The following MAPKAPK2 variants were observed in gnomAD, a reference collection of about 807,000 sequenced individuals.
MAPKAPK2 encodes MAPK activated protein kinase 2.
Under a neutral mutation model 48.8 loss-of-function variants are expected in MAPKAPK2, and 9 were observed. That is an observed-to-expected ratio of 0.18 (90% CI 0.11 to 0.32). The LOEUF (loss-of-function observed/expected upper bound fraction) is 0.32. Among genes scored for constraint, MAPKAPK2 ranks in the 10% least tolerant of loss-of-function variants. MAPKAPK2 has a pLI of 1.00. For missense variants in MAPKAPK2, 331 were observed against 498.3 expected (o/e 0.66, Z 3.20); for synonymous variants, 202 against 190.6 (o/e 1.06, Z -0.49).
intron 1 of MAPKAPK2, among the ~76,000 whole-genome samples, chr1:206,705,939 G>A (rs537050824): frequency 8.5e-5 from 13 of 152,158 alleles, no homozygotes; most frequent in East Asian, 7.7e-4. Context: ...GGGAATTCCC[G>A]GAGCCTGTTG....
chr1:206,709,630 T>A (rs1673076529), intron 1 of MAPKAPK2, among the ~76,000 whole-genome samples: 1 of 152,236 alleles, frequency 6.6e-6, no homozygotes, highest in South Asian at 2.1e-4. Flanking sequence ...CTAATGGCAT[T>A]TATTATGAAC....
At chr1:206,694,591 G>A (rs1157131398) in intron 1 of MAPKAPK2, among the ~76,000 whole-genome samples, 2 of 152,252 alleles carry the variant, frequency 1.3e-5, no homozygotes, top group East Asian at 1.9e-4. Flanking sequence ...CAGGCTTCAC[G>A]GGAGCTGGAG....
At position 206,731,219 on chromosome 1, in the gene MAPKAPK2, G is replaced by A. The variant is rs781968571; in HGVS notation, c.849G>A (p.Gln283=). The change falls in exon 7 of 10, where the codon CAG becomes CAA. Residue 283 remains glutamine, a synonymous_variant. Coordinates refer to ENST00000367103, the MANE Select transcript of MAPKAPK2 (RefSeq NM_032960.4). This position sits in a 1 kb window ranked among gnomAD's most constrained non-coding sequence, Gnocchi z 5.9. ...TGAAGACTCGCATCCGAATGGGCCAGTATGAATTTCCCAACCCAGAATGGT... is the reference window on the plus strand; with the variant it reads ...TGAAGACTCGCATCCGAATGGGCCAATATGAATTTCCCAACCCAGAATGGT... ...PGMKTRIRMG[Q]YEFPNPEWSE... 1.2e-6 allele frequency: 2 copies of A among 1,614,224 alleles called. No homozygotes were observed. Among genetic ancestry groups the A allele is most frequent in the South Asian group, 1.1e-5 (1 of 91,090 alleles).
At position 206,726,440 on chromosome 1, in the gene MAPKAPK2, G is replaced by A. The variant is rs185948831; in HGVS notation, c.280-2270G>A. 7.7e-4 allele frequency among the ~76,000 whole-genome samples: 118 copies of A among 152,342 alleles called. 1 individual carries two copies. Among genetic ancestry groups the A allele is most frequent in the African/African-American group, 2.8e-3 (117 of 41,582 alleles). ...AAGTGGCAGAACTCAAGACCCATGA[G>A]GTGTCCTCATATGGCCACAAGGTGG... On this transcript the variant is annotated intron_variant, in intron 1 of 9. Transcript: ENST00000367103.
chr1:206,693,422 GAGACGT>G lies in MAPKAPK2; in HGVS notation c.279+7915_279+7920del, dbSNP rs1672516093. On this transcript the variant is annotated intron_variant, in intron 1 of 9. Coordinates refer to ENST00000367103, the MANE Select transcript of MAPKAPK2 (RefSeq NM_032960.4). ...GCTAACTCACTCTTCTGAGTGCTGG[GAGACGT>G]GCTATGGTTTTTATGTCTCCAGGTG... Among the ~76,000 whole-genome samples, 4 of 152,250 alleles carry G rather than the reference GAGACGT, an allele frequency of 2.6e-5. No individual in the cohort carries two copies. The South Asian group carries it at 8.3e-4, about 32-fold the overall frequency.
chr1:206,701,596 G>A (rs1396577523), intron 1 of MAPKAPK2, among the ~76,000 whole-genome samples: 1 of 152,078 alleles, frequency 6.6e-6, no homozygotes, highest in Non-Finnish European at 1.5e-5. Context: ...CAGTTCATGA[G>A]GCTGAGGCAG....
chr1:206,691,031 T>C (rs1197206680), intron 1 of MAPKAPK2, among the ~76,000 whole-genome samples: 1 of 151,844 alleles, frequency 6.6e-6, no homozygotes, highest in Non-Finnish European at 1.5e-5. Context: ...GCAGCTTTTC[T>C]TGGTAATGGT....
At chr1:206,719,416 G>A (rs1323601471) in intron 1 of MAPKAPK2, among the ~76,000 whole-genome samples, 1 of 152,292 alleles carries the variant, frequency 6.6e-6, no homozygotes, top group Non-Finnish European at 1.5e-5. Context: ...TTTGGGTAGG[G>A]ACTTTTCCCC....
chr1:206,719,773 G>A (rs1221825561), intron 1 of MAPKAPK2, among the ~76,000 whole-genome samples: 1 of 152,220 alleles, frequency 6.6e-6, no homozygotes, highest in Admixed American at 6.5e-5. Flanking sequence ...CAGCCTATAA[G>A]CAGCTGTCTG....
chr1:206,728,352 C>T (rs922006946), intron 1 of MAPKAPK2, among the ~76,000 whole-genome samples: 4 of 152,032 alleles, frequency 2.6e-5, no homozygotes, highest in Non-Finnish European at 4.4e-5. Flanking sequence ...TGGTTTTTCT[C>T]AGTCTGCCTT....
intron 1 of MAPKAPK2, among the ~76,000 whole-genome samples, chr1:206,697,914 T>G (rs1473592848): frequency 6.6e-6 from 1 of 152,284 alleles, no homozygotes; most frequent in Non-Finnish European, 1.5e-5. Context: ...TGTCTGGGCC[T>G]CACTCAGTTT....
At chr1:206,694,775 C>G (rs1207876721) in intron 1 of MAPKAPK2, among the ~76,000 whole-genome samples, 1 of 152,202 alleles carries the variant, frequency 6.6e-6, no homozygotes, top group African/African-American at 2.4e-5. Context: ...CCCTGCAGCT[C>G]AGAGCAGCCT....
intron 1 of MAPKAPK2, among the ~76,000 whole-genome samples, chr1:206,700,049 A>G (rs539699749): frequency 7.4e-6 from 1 of 135,532 alleles, no homozygotes; most frequent in South Asian, 2.3e-4. Context: ...AGGTAAAACC[A>G]TCTTCCAGAA....
At chr1:206,702,070 G>C (rs1267215360) in intron 1 of MAPKAPK2, among the ~76,000 whole-genome samples, 1 of 152,112 alleles carries the variant, frequency 6.6e-6, no homozygotes, top group Non-Finnish European at 1.5e-5. Flanking sequence ...ATAATTATCT[G>C]GGTTTGGCAA....
chr1:206,728,782 G>C lies in MAPKAPK2; in HGVS notation c.352G>C (p.Val118Leu). 1 of 1,614,074 alleles carries C rather than the reference G, an allele frequency of 6.2e-7. No individual in the cohort carries two copies. The highest frequency in any genetic ancestry group is 8.5e-7 in the Non-Finnish European group (1 of 1,180,020). Residue 118 changes from valine (V) to leucine (L), a missense_variant, in exon 2 of 10, where the codon GTA (valine) becomes CTA (leucine). By Grantham distance (32) the Val-to-Leu change is conservative (BLOSUM62 1). This residue lies in a region of MAPKAPK2 where 111 missense variants were observed against 193.6 expected (regional missense o/e 0.57). Transcript: ENST00000367103. The part of the protein sequence containing the change: ...HWRASQCPHI[V>L]RIVDVYENLY... ...GCGGGCCTCCCAGTGCCCGCACATC[G>C]TACGGATCGTGGATGTGTACGAGAA...
rs113918614 is a variant in MAPKAPK2 at position 206,712,437 on chromosome 1, A to G, written c.280-16273A>G. 9.9e-3 allele frequency among the ~76,000 whole-genome samples: 1,507 copies of G among 152,330 alleles called. 21 individuals carry two copies. Among genetic ancestry groups the G allele is most frequent in the African/African-American group, 0.035 (1,462 of 41,574 alleles). On this transcript the variant is annotated intron_variant, in intron 1 of 9. Coordinates refer to ENST00000367103, the MANE Select transcript of MAPKAPK2 (RefSeq NM_032960.4). ...CAGAACCTTGGCTCTCATTCATGTT[A>G]TAAAGATGTGACTAGAGAAAAGTCT...
chr1:206,723,036 T>G (rs1383095741), intron 1 of MAPKAPK2, among the ~76,000 whole-genome samples: 1 of 152,268 alleles, frequency 6.6e-6, no homozygotes, highest in East Asian at 1.9e-4. Context: ...CACAACACAC[T>G]TGGTGCCAGA....
chr1:206,724,961 C>G, intron 1 of MAPKAPK2, among the ~76,000 whole-genome samples: 1 of 152,288 alleles, frequency 6.6e-6, no homozygotes, highest in Middle Eastern at 3.4e-3. Context: ...TATTATTTCA[C>G]GAAGTTGAAT....
chr1:206,719,437 T>C (rs1673443823), intron 1 of MAPKAPK2, among the ~76,000 whole-genome samples: 2 of 152,246 alleles, frequency 1.3e-5, no homozygotes, highest in Admixed American at 6.5e-5. Context: ...ATCATATTAA[T>C]GAACATTAAT....
Sources: gnomAD v4.1 joint callset for allele counts (sites outside exome capture counted in the v4.1 genomes callset) on GRCh38, gnomAD v4.1.1 for gene constraint, gnomAD v4.1.1 regional missense constraint, Gnocchi (gnomAD v3.1) non-coding constraint, MANE v1.5 for transcripts, NCBI Gene and HGNC (gene_info 2026-07-23, HGNC 2026-07-21) for gene names.